DENND5A: variants seen among roughly 807,000 people sequenced by gnomAD.
The protein encoded by DENND5A is DENN domain containing 5A.
A neutral mutation model predicts 140.3 loss-of-function variants in DENND5A; 64 were observed. The observed-to-expected ratio is 0.46, with a 90% CI of 0.37 to 0.56. DENND5A has a LOEUF of 0.56. Among genes scored for constraint, DENND5A ranks in the 20% least tolerant of loss-of-function variants. The pLI, the probability that DENND5A is intolerant of heterozygous loss-of-function variation, is 0.00. For missense variants in DENND5A, 1,292 were observed against 1,593.8 expected, an observed-to-expected ratio of 0.81 and a Z score of 3.22; for synonymous variants, 605 against 607.7, an observed-to-expected ratio of 1.00 and a Z score of 0.07.
intron 5 of DENND5A, among the ~76,000 whole-genome samples, chr11:9,190,838 A>G (rs1034352080): frequency 1.3e-5 from 2 of 152,104 alleles, no homozygotes; most frequent in African/African-American, 4.8e-5. Context: ...TGAACATGTC[A>G]TTTCTGAGAC....
chr11:9,140,738 T>A (rs192794902), intron 22 of DENND5A, among the ~76,000 whole-genome samples: 1 of 152,214 alleles, frequency 6.6e-6, no homozygotes, highest in Non-Finnish European at 1.5e-5. Context: ...CTGATCTTTC[T>A]CCTCTACCTT....
Position 9,193,659 on chromosome 11 carries a change from C to T in DENND5A, c.972G>A (p.Val324=). 6.2e-7 allele frequency: 1 copy of T among 1,613,132 alleles called. No individual in the cohort carries two copies. The highest frequency in any genetic ancestry group is 8.5e-7 in the Non-Finnish European group (1 of 1,179,550). Residue 324 remains valine (V), a synonymous_variant, in exon 5 of 23, where the codon GTG becomes GTA. Coordinates refer to ENST00000328194, the MANE Select transcript of DENND5A (RefSeq NM_015213.4). ...YSQHYQRLMT[V]AETITALMFP... ...ACATGAGAGCTGTAATCGTCTCCGCCACAGTCATCAGTCTCTGGTAATCTG... is the reference window on the plus strand; with the variant it reads ...ACATGAGAGCTGTAATCGTCTCCGCTACAGTCATCAGTCTCTGGTAATCTG...
intron 8 of DENND5A, among the ~76,000 whole-genome samples, chr11:9,177,747 T>C (rs1043215943): frequency 2.7e-5 from 4 of 148,838 alleles, no homozygotes; most frequent in Admixed American, 2.7e-4. Context: ...GAGGCAACAG[T>C]ATGACCATAA....
chr11:9,261,038 TA>T (rs10715998), intron 1 of DENND5A, among the ~76,000 whole-genome samples: 145,348 of 152,072 alleles, frequency 0.96, 69,797 homozygotes, highest in East Asian at 1. Context: ...TCTGTAGAGA[TA>T]AGAGTCTTGC....
At chr11:9,223,628 A>AGGATT (rs1293108585) in intron 1 of DENND5A, among the ~76,000 whole-genome samples, 5 of 152,060 alleles carry the variant, frequency 3.3e-5, no homozygotes, top group Non-Finnish European at 7.4e-5. Context: ...CTGAGGTGGG[A>AGGATT]GGATTGCTCG....
At chr11:9,153,600 T>A (rs1445989197) in intron 12 of DENND5A, among the ~76,000 whole-genome samples, 2 of 152,142 alleles carry the variant, frequency 1.3e-5, no homozygotes, top group Non-Finnish European at 2.9e-5. Flanking sequence ...CCTTCTCTGT[T>A]AAGTGGGGGA....
intron 18 of DENND5A, 60 bp downstream of exon 18, chr11:9,144,935 T>C (rs1847374495): frequency 4.9e-6 from 6 of 1,231,228 alleles, no homozygotes; most frequent in Non-Finnish European, 7.2e-6. Flanking sequence ...TACCCAAGCA[T>C]CGAAGAGCTC....
intron 1 of DENND5A, among the ~76,000 whole-genome samples, chr11:9,246,014 T>G (rs1851455844): frequency 6.6e-6 from 1 of 152,142 alleles, no homozygotes; most frequent in Non-Finnish European, 1.5e-5. Context: ...GTTAAGAAAT[T>G]TGCCTACCTG....
intron 4 of DENND5A, among the ~76,000 whole-genome samples, chr11:9,196,884 T>C (rs1849347873): frequency 6.6e-6 from 1 of 152,078 alleles, no homozygotes; most frequent in Admixed American, 6.6e-5. Flanking sequence ...GTGCTGGGAT[T>C]ACAGGCGTGA....
intron 5 of DENND5A, among the ~76,000 whole-genome samples, chr11:9,190,738 T>C (rs1016787079): frequency 1.3e-5 from 2 of 152,178 alleles, no homozygotes; most frequent in Non-Finnish European, 2.9e-5. Context: ...TGCATCAAAA[T>C]ATCAAAAGTA....
At chr11:9,257,504 A>C (rs1851997008) in intron 1 of DENND5A, among the ~76,000 whole-genome samples, 1 of 141,330 alleles carries the variant, frequency 7.1e-6, no homozygotes, top group South Asian at 2.3e-4. Flanking sequence ...TTTTTTGAGA[A>C]GGAGTCTCAC....
intron 8 of DENND5A, among the ~76,000 whole-genome samples, chr11:9,174,125 A>AAG (rs1848472341): frequency 6.7e-6 from 1 of 149,004 alleles, no homozygotes; most frequent in Non-Finnish European, 1.5e-5. Flanking sequence ...AAAAAAAAAA[A>AAG]AAAAGAAAAA....
At chr11:9,161,591 T>C (rs973579906) in intron 11 of DENND5A, among the ~76,000 whole-genome samples, 2 of 152,170 alleles carry the variant, frequency 1.3e-5, no homozygotes, top group East Asian at 1.9e-4. Context: ...GGGACAAAAA[T>C]TGAGGAGGTA....
At chr11:9,204,380 C>T in intron 3 of DENND5A, 63 bp from the exon 4 acceptor site, 1 of 1,482,570 alleles carries the variant, frequency 6.7e-7, no homozygotes, top group African/African-American at 1.4e-5. Context: ...TTTCAGAACA[C>T]CATCACTATT....
intron 1 of DENND5A, among the ~76,000 whole-genome samples, chr11:9,224,931 T>C (rs1417766454): frequency 6.6e-6 from 1 of 152,106 alleles, no homozygotes; most frequent in Admixed American, 6.6e-5. Flanking sequence ...CTGGAAATTT[T>C]CTGTGAGTGC....
intron 11 of DENND5A, among the ~76,000 whole-genome samples, chr11:9,164,158 A>G (rs1249183944): frequency 7.7e-6 from 1 of 130,104 alleles, no homozygotes; most frequent in Non-Finnish European, 1.6e-5. Context: ...AGCCCACCAA[A>G]GTAGCTGGGA....
chr11:9,212,761 C>G (rs935075987), intron 1 of DENND5A, among the ~76,000 whole-genome samples: 7 of 151,980 alleles, frequency 4.6e-5, no homozygotes, highest in African/African-American at 1.7e-4. Context: ...CACCAGTAGA[C>G]CTGTACAGGA....
intron 1 of DENND5A, among the ~76,000 whole-genome samples, chr11:9,227,713 T>C (rs951457127): frequency 7.2e-5 from 11 of 151,828 alleles, no homozygotes; most frequent in South Asian, 2.1e-4. Flanking sequence ...AATCTAACAC[T>C]ATGGGAGGCC....
chr11:9,262,303 T>G (rs752035613), intron 1 of DENND5A, among the ~76,000 whole-genome samples: 1 of 152,216 alleles, frequency 6.6e-6, no homozygotes, highest in African/African-American at 2.4e-5. Flanking sequence ...TTCATTCTTA[T>G]GCTCTATCAT....
Sources: allele counts gnomAD v4.1 joint callset (sites outside exome capture counted in the v4.1 genomes callset), GRCh38; gene constraint gnomAD v4.1.1; transcripts MANE v1.5; gene names NCBI Gene and HGNC (gene_info 2026-07-23, HGNC 2026-07-21).